Variants in RNF216 observed in about 807,000 individuals in gnomAD.
The protein encoded by RNF216 is ring finger protein 216, also known as E3 ubiquitin-protein ligase RNF216.
A neutral mutation model predicts 110.8 loss-of-function variants in RNF216; 72 were observed. The ratio of observed to expected loss-of-function variants is 0.65; its 90% CI spans 0.54 to 0.79. The LOEUF is 0.79. Among genes scored for constraint, RNF216 ranks in the 30% least tolerant of loss-of-function variants. RNF216 has a pLI of 0.00. For synonymous variants in RNF216, 495 were observed against 407.5 expected, an observed-to-expected ratio of 1.21 and a Z score of -2.59; for missense variants, 1,342 against 1,141.2, an observed-to-expected ratio of 1.18 and a Z score of -2.54.
intron 15 of RNF216, among the ~76,000 whole-genome samples, chr7:5,628,717 C>T (rs1251403872): frequency 2.0e-5 from 3 of 149,142 alleles, no homozygotes; most frequent in Non-Finnish European, 4.4e-5. Context: ...AATGGGGTTT[C>T]ACCATGTTGC....
At chr7:5,769,716 G>A (rs1796393612) in intron 1 of RNF216, among the ~76,000 whole-genome samples, 1 of 149,588 alleles carries the variant, frequency 6.7e-6, no homozygotes, top group African/African-American at 2.5e-5. Context: ...AGTGAGAGCT[G>A]TCTCAAAAAA....
At chr7:5,673,685 G>A (rs1007727593) in intron 13 of RNF216, among the ~76,000 whole-genome samples, 1 of 152,206 alleles carries the variant, frequency 6.6e-6, no homozygotes, top group Non-Finnish European at 1.5e-5. Context: ...TATTAAGCCT[G>A]AGCAACACAG....
intron 15 of RNF216, among the ~76,000 whole-genome samples, chr7:5,627,024 C>T (rs1786750766): frequency 6.6e-6 from 1 of 152,188 alleles, no homozygotes; most frequent in South Asian, 2.1e-4. Context: ...ACCACTCTGC[C>T]TCACCTCAAC....
At chr7:5,629,268 G>C (rs1786908347) in intron 15 of RNF216, among the ~76,000 whole-genome samples, 2 of 151,498 alleles carry the variant, frequency 1.3e-5, no homozygotes, top group Admixed American at 1.3e-4. Flanking sequence ...CTTGAGGCCA[G>C]GATTTTCAGA....
intron 13 of RNF216, among the ~76,000 whole-genome samples, chr7:5,673,288 G>C (rs1357632568): frequency 6.6e-6 from 1 of 152,226 alleles, no homozygotes; most frequent in Non-Finnish European, 1.5e-5. Flanking sequence ...GCCTGCTTAC[G>C]GTAATTAGCG....
chr7:5,668,432 C>T (rs909298618), intron 13 of RNF216, among the ~76,000 whole-genome samples: 2 of 151,982 alleles, frequency 1.3e-5, no homozygotes, highest in Admixed American at 6.6e-5. Flanking sequence ...ACCGTGTTAG[C>T]CAGGATGGTC....
At chr7:5,735,399 ACAAT>A (rs1794337491) in intron 5 of RNF216, among the ~76,000 whole-genome samples, 4 of 152,332 alleles carry the variant, frequency 2.6e-5, no homozygotes, top group Admixed American at 2.6e-4. Flanking sequence ...ACATATCAGA[ACAAT>A]CAAACTCACA....
chr7:5,756,554 C>G (rs1795653044), intron 2 of RNF216, among the ~76,000 whole-genome samples: 1 of 152,172 alleles, frequency 6.6e-6, no homozygotes, highest in Non-Finnish European at 1.5e-5. Context: ...AACACCATGC[C>G]CGGCTAATTT....
rs1182044485 is a variant in RNF216 at position 5,756,706 on chromosome 7, T to TG, written c.68-3728dup. 3.3e-5 allele frequency among the ~76,000 whole-genome samples: 5 copies of TG among 152,224 alleles called. No homozygotes were observed. In the East Asian group the frequency reaches 9.6e-4, roughly 29 times the overall value. On this transcript the variant is annotated intron_variant, in intron 2 of 16. Coordinates refer to ENST00000389902, the MANE Select transcript of RNF216 (RefSeq NM_207111.4). ...CATGAACACAAGTTCTCTGCAGCCT[T>TG]GACCTACTACTGGGTTCAAGTGACC...
At position 5,702,728 on chromosome 7, in the gene RNF216, A is replaced by G. The variant is rs143792138; in HGVS notation, c.2061+9033T>C. Among the ~76,000 whole-genome samples, 86 of 152,154 alleles carry G rather than the reference A, an allele frequency of 5.7e-4. 1 individual carries two copies. Among genetic ancestry groups the G allele is most frequent in the African/African-American group, 2.0e-3 (82 of 41,566 alleles). On this transcript the variant is annotated intron_variant, in intron 13 of 16. Transcript: ENST00000389902. ...ATGAATAGATTCACTATGCTTTTAA[A>G]TTTTAAAAAGTGAAATTTTAAAAAG...
chr7:5,692,263 G>A (rs1169671550), intron 13 of RNF216, among the ~76,000 whole-genome samples: 1 of 152,184 alleles, frequency 6.6e-6, no homozygotes, highest in African/African-American at 2.4e-5. Context: ...TTGCCACTAA[G>A]CCTTTTACTT....
chr7:5,723,088 C>T (rs1035910660), intron 8 of RNF216, among the ~76,000 whole-genome samples: 16 of 152,142 alleles, frequency 1.1e-4, no homozygotes, highest in African/African-American at 3.4e-4. Context: ...AGTTACTTAA[C>T]CTCTCTGTGC....
intron 3 of RNF216, among the ~76,000 whole-genome samples, chr7:5,752,054 G>T (rs929407742): frequency 6.6e-6 from 1 of 151,802 alleles, no homozygotes; most frequent in African/African-American, 2.4e-5. Flanking sequence ...GCCTGGTGGC[G>T]GGCGCCTGTA....
intron 14 of RNF216, chr7:5,649,973 A>G (rs1490594945): frequency 6.6e-6 from 1 of 152,240 alleles, no homozygotes; most frequent in East Asian, 1.9e-4. Flanking sequence ...ACACCGTTCT[A>G]CTTGAACGAC....
At chr7:5,736,801 G>A (rs1441005299) in intron 5 of RNF216, among the ~76,000 whole-genome samples, 1 of 151,242 alleles carries the variant, frequency 6.6e-6, no homozygotes, top group Non-Finnish European at 1.5e-5. Flanking sequence ...CAGCGTCTCT[G>A]CCCGGCCGCC....
At chr7:5,698,545 C>T (rs1021574630) in intron 13 of RNF216, among the ~76,000 whole-genome samples, 7 of 152,096 alleles carry the variant, frequency 4.6e-5, no homozygotes, top group East Asian at 1.9e-4. Flanking sequence ...GCACAGCACC[C>T]ATGCCTTATT....
intron 1 of RNF216, among the ~76,000 whole-genome samples, chr7:5,762,871 A>G (rs924207923): frequency 3.9e-5 from 6 of 152,240 alleles, no homozygotes; most frequent in African/African-American, 1.4e-4. Context: ...AAGACAAAAC[A>G]TGAACATATG....
At position 5,660,265 on chromosome 7, in the gene RNF216, C is replaced by CTTTTTTTTTTTTTTTTTTTTTTTTTT; in HGVS notation, c.2062-7781_2062-7756dup. Among the ~76,000 whole-genome samples the CTTTTTTTTTTTTTTTTTTTTTTTTTT allele has an allele frequency of 6.0e-5, 2 of 33,604 alleles. 1 individual carries two copies. Among genetic ancestry groups the CTTTTTTTTTTTTTTTTTTTTTTTTTT allele is most frequent in the Non-Finnish European group, 1.2e-4 (2 of 16,340 alleles). 22.0% of individuals were successfully genotyped at this position (33,604 alleles called of 152,430 possible). On this transcript the variant is annotated intron_variant, in intron 13 of 16. Transcript: ENST00000389902. ...ACAGAGCCCGGCCCTGTTTTAAATT[C>CTTTTTTTTTTTTTTTTTTTTTTTTTT]TTTTTTTTTTTTTTTTTTTTTTTTT... is the stretch of plus-strand genomic sequence containing the variant.
chr7:5,707,617 AG>A (rs1217909878), intron 13 of RNF216, among the ~76,000 whole-genome samples: 1 of 151,720 alleles, frequency 6.6e-6, no homozygotes, highest in East Asian at 1.9e-4. Flanking sequence ...AAATAGCTCT[AG>A]CTAGGGCTTC....
Sources: allele counts gnomAD v4.1 joint callset (sites outside exome capture counted in the v4.1 genomes callset), GRCh38; gene constraint gnomAD v4.1.1; transcripts MANE v1.5; gene names NCBI Gene and HGNC (gene_info 2026-07-23, HGNC 2026-07-21).